Variants in HDAC8 observed in about 807,000 individuals in gnomAD.
HDAC8 encodes histone deacetylase-like 1.
A neutral mutation model predicts 32.2 loss-of-function variants in HDAC8; 1 was observed. That is an observed-to-expected ratio of 0.03 (90% CI 0.01 to 0.15). The LOEUF (loss-of-function observed/expected upper bound fraction) is 0.15, where lower values mean the gene tolerates loss of function less well. HDAC8 is among the 10% of genes least tolerant of loss of function. The pLI, the probability that HDAC8 is intolerant of heterozygous loss-of-function variation, is 1.00. For synonymous variants in HDAC8, 108 were observed against 113.9 expected (o/e 0.95, Z 0.33); for missense variants, 117 against 300.0 (o/e 0.39, Z 4.51).
chrX:72,518,035 T>C (rs868960303), intron 4 of HDAC8, among the ~76,000 whole-genome samples: 1 of 111,846 alleles, frequency 8.9e-6, no homozygotes, highest in Non-Finnish European at 1.9e-5. Context: ...TCATTATACA[T>C]TTTTTACATG....
At position 72,329,677 on chromosome X, in the gene HDAC8, C is replaced by A. The variant is rs1555939503; in HGVS notation, c.*377G>T. On this transcript the variant is annotated 3_prime_UTR_variant, in exon 11 of 11. Coordinates refer to ENST00000373573, the MANE Select transcript of HDAC8 (RefSeq NM_018486.3). ...AACCCTGCCTGTCAGCTGCCTCCTG[C>A]CCTACAAACTGGTGACTGCTCTCAT... 1 of 1,188,296 alleles carries A rather than the reference C, an allele frequency of 8.4e-7. No individual in the cohort carries two copies. Among genetic ancestry groups the A allele is most frequent in the East Asian group, 3.1e-5 (1 of 32,689 alleles).
At chrX:72,572,507 C>G in intron 1 of HDAC8, 144 bp downstream of exon 1, 1 of 464,817 alleles carries the variant, frequency 2.2e-6, no homozygotes, top group Non-Finnish European at 3.7e-6. Context: ...CCTTCTGATA[C>G]AGCTTTAGGT....
At chrX:72,536,557 T>C (rs1018839972) in intron 4 of HDAC8, among the ~76,000 whole-genome samples, 1 of 112,634 alleles carries the variant, frequency 8.9e-6, no homozygotes, top group African/African-American at 3.2e-5. Context: ...CGTGCACATC[T>C]GCTTCTCTCC....
intron 10 of HDAC8, among the ~76,000 whole-genome samples, chrX:72,330,489 C>T (rs782098557): frequency 9.0e-6 from 1 of 111,637 alleles, no homozygotes; most frequent in East Asian, 2.8e-4. Flanking sequence ...TCTTTACTAA[C>T]TGCATCAAAT....
intron 4 of HDAC8, among the ~76,000 whole-genome samples, chrX:72,538,767 G>A (rs1466789071): frequency 3.6e-5 from 4 of 111,473 alleles, no homozygotes; most frequent in Non-Finnish European, 7.5e-5. Context: ...CTTCAGGAAC[G>A]GTTCAGACAT....
intron 9 of HDAC8, among the ~76,000 whole-genome samples, chrX:72,449,275 T>C (rs782306671): frequency 2.4e-4 from 27 of 111,455 alleles, no homozygotes; most frequent in African/African-American, 8.2e-4. Context: ...TCATGTCCTT[T>C]GCAGGGACAT....
At chrX:72,511,509 G>A (rs782025998) in intron 4 of HDAC8, among the ~76,000 whole-genome samples, 15 of 111,624 alleles carry the variant, frequency 1.3e-4, no homozygotes, top group Admixed American at 3.8e-4. Flanking sequence ...CACACAAGAT[G>A]AGTGTCTCAA....
chrX:72,450,022 T>C (rs1555986799), intron 9 of HDAC8, among the ~76,000 whole-genome samples: 1 of 111,874 alleles, frequency 8.9e-6, no homozygotes, highest in South Asian at 3.7e-4. Context: ...AATGGAGAAA[T>C]GATTAAACAA....
intron 7 of HDAC8, among the ~76,000 whole-genome samples, chrX:72,472,818 C>G (rs185492888): frequency 9.0e-6 from 1 of 111,477 alleles, no homozygotes; most frequent in Admixed American, 9.5e-5. Context: ...ATGTTCAAAA[C>G]TGAGGAATTT....
Position 72,426,660 on chromosome X carries a change from T to C in HDAC8, c.1005+35344A>G, listed in dbSNP as rs368984014. ...GCAAAATGGCATTTATCATAATTCC[T>C]GTTTTTGAAGGGTCCAAACCTCCTA... is the stretch of plus-strand genomic sequence containing the variant. On this transcript the variant is annotated intron_variant, in intron 9 of 10. Coordinates refer to ENST00000373573, the MANE Select transcript of HDAC8 (RefSeq NM_018486.3). Among the ~76,000 whole-genome samples the C allele has an allele frequency of 1.3e-4, 14 of 111,489 alleles. No homozygotes were observed. The East Asian group carries it at 2.2e-3, about 18-fold the overall frequency.
chrX:72,382,927 T>G (rs980096540), intron 9 of HDAC8, among the ~76,000 whole-genome samples: 3 of 112,026 alleles, frequency 2.7e-5, no homozygotes, highest in Non-Finnish European at 5.6e-5. Context: ...AGCGATTGAG[T>G]TATTAGATGA....
intron 4 of HDAC8, among the ~76,000 whole-genome samples, chrX:72,514,778 T>C (rs2049727905): frequency 8.9e-6 from 1 of 111,950 alleles, no homozygotes; most frequent in African/African-American, 3.2e-5. Context: ...TCCGAAAGTC[T>C]GTAATATGAT....
At chrX:72,418,161 A>T (rs2046395832) in intron 9 of HDAC8, among the ~76,000 whole-genome samples, 1 of 111,849 alleles carries the variant, frequency 8.9e-6, no homozygotes, top group Non-Finnish European at 1.9e-5. Flanking sequence ...CAAAGATTTC[A>T]TGACAAAGAT....
chrX:72,542,065 C>T (rs1331128051), intron 4 of HDAC8, among the ~76,000 whole-genome samples: 1 of 111,924 alleles, frequency 8.9e-6, no homozygotes, highest in African/African-American at 3.3e-5. Context: ...CTCTTCACCC[C>T]CAACAGCCAA....
At chrX:72,513,451 G>A (rs2049663229) in intron 4 of HDAC8, among the ~76,000 whole-genome samples, 1 of 108,957 alleles carries the variant, frequency 9.2e-6, no homozygotes, top group African/African-American at 3.4e-5. Context: ...TCAGCCACCT[G>A]AGTAGCTGGA....
At chrX:72,563,420 A>G (rs1487655155) in intron 4 of HDAC8, among the ~76,000 whole-genome samples, 1 of 110,849 alleles carries the variant, frequency 9.0e-6, no homozygotes, top group Non-Finnish European at 1.9e-5. Flanking sequence ...ATGTGCCTGT[A>G]GTCCCAGCTA....
chrX:72,364,214 C>T, intron 9 of HDAC8, among the ~76,000 whole-genome samples: 1 of 111,549 alleles, frequency 9.0e-6, no homozygotes, highest in Non-Finnish European at 1.9e-5. Context: ...ACACTATCTT[C>T]TCTCTCATAA....
At chrX:72,571,553 C>CTTTTTTTTTTTTTTTTTTTTTT (rs782331910) in intron 2 of HDAC8, among the ~76,000 whole-genome samples, 27 of 30,440 alleles carry the variant, frequency 8.9e-4, no homozygotes, top group Non-Finnish European at 1.5e-3. Flanking sequence ...TTCTTTCTTT[C>CTTTTTTTTTTTTTTTTTTTTTT]TTTTTTTTTT....
intron 9 of HDAC8, among the ~76,000 whole-genome samples, chrX:72,459,488 C>T (rs1173049314): frequency 1.8e-5 from 2 of 110,542 alleles, no homozygotes; most frequent in Non-Finnish European, 3.8e-5. Context: ...GTGAGGTCAG[C>T]CCGGCTGCAA....
Sources: gnomAD v4.1 joint callset for allele counts (sites outside exome capture counted in the v4.1 genomes callset) on GRCh38, gnomAD v4.1.1 for gene constraint, MANE v1.5 for transcripts, NCBI Gene and HGNC (gene_info 2026-07-23, HGNC 2026-07-21) for gene names.